Variants in MIIP observed in about 807,000 individuals in gnomAD.
MIIP encodes migration and invasion-inhibitory protein.
A neutral mutation model predicts 44.8 loss-of-function variants in MIIP; 44 were observed. The ratio of observed to expected loss-of-function variants is 0.98; its 90% CI spans 0.77 to 1.26. The LOEUF (loss-of-function observed/expected upper bound fraction) is 1.26, where lower values mean the gene tolerates loss of function less well. Among genes scored for constraint, MIIP ranks in the 50% most tolerant of loss-of-function variants. The pLI is 0.00. For missense variants in MIIP, 496 were observed against 511.7 expected (o/e 0.97, Z 0.30); for synonymous variants, 225 against 218.3 (o/e 1.03, Z -0.27).
rs747610330 is a variant in MIIP at position 12,029,262 on chromosome 1, C to T, written c.696C>T (p.Gly232=). ...LPGLRESSGS[G]VEEDHECVYC... The stretch of plus-strand genomic sequence containing the variant: ...GCCTGCGTGAGAGCAGTGGCAGCGG[C>T]GTGGAGGAAGACCATGAATGTGAGT... Residue 232 remains glycine, a synonymous_variant, in exon 6 of 10, where the codon GGC becomes GGT. Coordinates refer to ENST00000235332, the MANE Select transcript of MIIP (RefSeq NM_021933.4). The T allele has an allele frequency of 1.3e-5, 21 of 1,613,478 alleles. No homozygotes were observed. The highest frequency in any genetic ancestry group is 1.7e-4 in the Middle Eastern group (1 of 6,038).
intron 8 of MIIP, among the ~76,000 whole-genome samples, chr1:12,030,527 G>C (rs924614265): frequency 2.1e-5 from 3 of 146,180 alleles, no homozygotes; most frequent in African/African-American, 5.0e-5. Flanking sequence ...GCTGGGATTC[G>C]AACCTAGGTC....
At chr1:12,022,702 G>T in intron 3 of MIIP, 131 bp from the exon 4 acceptor site, 1 of 744,896 alleles carries the variant, frequency 1.3e-6, no homozygotes. Flanking sequence ...TTGCTCTTGT[G>T]CCCTTGGCTG....
chr1:12,020,593 C>T (rs1229116433), intron 1 of MIIP, among the ~76,000 whole-genome samples: 1 of 152,078 alleles, frequency 6.6e-6, no homozygotes, highest in African/African-American at 2.4e-5. Flanking sequence ...CTACAACCTC[C>T]GCCTCCCAGG....
chr1:12,021,103 AT>A (rs1251332732), intron 1 of MIIP, among the ~76,000 whole-genome samples: 3 of 151,334 alleles, frequency 2.0e-5, no homozygotes, highest in Admixed American at 6.6e-5. Context: ...AGCTAATTAA[AT>A]TTTTTTTTGG....
intron 9 of MIIP, 34 bp from the exon 10 acceptor site, chr1:12,031,688 T>C (rs753831122): frequency 1.2e-6 from 2 of 1,613,810 alleles, no homozygotes; most frequent in Non-Finnish European, 1.7e-6. Flanking sequence ...CCCTTTCAAG[T>C]GGCCCCCCTG....
chr1:12,028,992 G>A (rs370619823), intron 4 of MIIP, 41 bp from the exon 5 acceptor site: 1 of 1,539,128 alleles, frequency 6.5e-7, no homozygotes, highest in Non-Finnish European at 9.0e-7. Flanking sequence ...GCAGCCCCCA[G>A]CCCCTCTCCC....
At chr1:12,021,617 GC>G in intron 1 of MIIP, 27 bp from the exon 2 acceptor site, 1 of 906,328 alleles carries the variant, frequency 1.1e-6, no homozygotes, top group East Asian at 2.6e-5. Flanking sequence ...ACCCTACTGA[GC>G]CCCGTGTCCT....
intron 4 of MIIP, among the ~76,000 whole-genome samples, chr1:12,023,560 C>T (rs983495652): frequency 4.0e-5 from 6 of 151,626 alleles, no homozygotes; most frequent in Admixed American, 6.6e-5. Flanking sequence ...CCTGCCACCA[C>T]GCCTGGCTAA....
Position 12,030,093 on chromosome 1 carries a change from T to A in MIIP, c.911T>A (p.Phe304Tyr). 6.2e-7 allele frequency: 1 copy of A among 1,613,130 alleles called. No homozygotes were observed. Among genetic ancestry groups the A allele is most frequent in the Non-Finnish European group, 8.5e-7 (1 of 1,179,950 alleles). Reference sequence around the variant, plus strand: ...TACCACATCCACCGGCGAAAGAGCTTTGACGCCTCTGACACACTGGCCCTG... The same window carrying A: ...TACCACATCCACCGGCGAAAGAGCTATGACGCCTCTGACACACTGGCCCTG... ...HRYHIHRRKS[F>Y]DASDTLALPR... The change falls in exon 8 of 10, where the codon TTT becomes TAT. Residue 304 changes from phenylalanine (F) to tyrosine (Y), a missense_variant. Transcript: ENST00000235332.
intron 8 of MIIP, 135 bp downstream of exon 8, chr1:12,030,259 C>A: frequency 1.3e-6 from 1 of 786,282 alleles, no homozygotes; most frequent in Non-Finnish European, 2.1e-6. Flanking sequence ...ACAGCCTGGG[C>A]CTCTTCCATC....
intron 4 of MIIP, among the ~76,000 whole-genome samples, chr1:12,023,735 C>G (rs1290869247): frequency 6.6e-6 from 1 of 151,164 alleles, no homozygotes; most frequent in Non-Finnish European, 1.5e-5. Context: ...GTGACTCACA[C>G]CTGTAATCCC....
chr1:12,023,012 C>A, intron 4 of MIIP, 95 bp downstream of exon 4: 1 of 898,120 alleles, frequency 1.1e-6, no homozygotes, highest in Non-Finnish European at 1.7e-6. Context: ...CCACCCGGTG[C>A]TGTTGCTTGT....
At chr1:12,022,719 G>A (rs764256927) in intron 3 of MIIP, 114 bp from the exon 4 acceptor site, 4 of 847,002 alleles carry the variant, frequency 4.7e-6, no homozygotes, top group Non-Finnish European at 7.5e-6. Context: ...GCTGAGCCCT[G>A]GGCTGCAAGT....
Position 12,031,852 on chromosome 1 carries a change from C to T in MIIP, c.*44C>T. The T allele has an allele frequency of 6.4e-7, 1 of 1,573,636 alleles. No individual in the cohort carries two copies. Among genetic ancestry groups the T allele is most frequent in the Non-Finnish European group, 8.7e-7 (1 of 1,146,392 alleles). On this transcript the variant is annotated 3_prime_UTR_variant, in exon 10 of 10. Coordinates refer to ENST00000235332, the MANE Select transcript of MIIP (RefSeq NM_021933.4). ...GAACAGCATTCCCGCCGCCTCCAGC[C>T]TCTCCCCTCTGGCAGGCGCACCCAG... is the stretch of plus-strand genomic sequence containing the variant.
chr1:12,028,798 C>T (rs1472516111), intron 4 of MIIP: 3 of 552,456 alleles, frequency 5.4e-6, no homozygotes, highest in Non-Finnish European at 9.8e-6. Context: ...GTCATAAGGG[C>T]TCTGTCGATA....
intron 4 of MIIP, among the ~76,000 whole-genome samples, chr1:12,026,561 C>T (rs1272247354): frequency 6.6e-6 from 1 of 152,228 alleles, no homozygotes; most frequent in Admixed American, 6.5e-5. Context: ...TCTGGCTCCT[C>T]CAGGGTTTCC....
chr1:12,022,442 G>C lies in MIIP; in HGVS notation c.462G>C (p.Lys154Asn). 1 of 1,538,204 alleles carries C rather than the reference G, an allele frequency of 6.5e-7. No individual in the cohort carries two copies. The highest frequency in any genetic ancestry group is 2.3e-5 in the East Asian group (1 of 43,350). Residue 154 changes from lysine to asparagine, a missense_variant and splice_region_variant, in exon 3 of 10, where the codon AAG becomes AAC. Lys to Asn is a moderately conservative substitution (Grantham distance 94). Coordinates refer to ENST00000235332, the MANE Select transcript of MIIP (RefSeq NM_021933.4). ...TGGCTCAACAGAGCAAGCTGTCCAA[G>C]GTAACGTGGGAGAGCGGGACATCTG... ...SILAQQSKLS[K>N]PRVTFSEESA...
chr1:12,020,050 A>C (rs1055124457), intron 1 of MIIP, among the ~76,000 whole-genome samples: 83 of 152,126 alleles, frequency 5.5e-4, no homozygotes, highest in African/African-American at 1.8e-3. Context: ...GATCCTGAGG[A>C]TCCTTGGAGG....
At chr1:12,021,896 C>A in intron 2 of MIIP, 56 bp downstream of exon 2, 1 of 1,432,298 alleles carries the variant, frequency 7.0e-7, no homozygotes. Flanking sequence ...TTCAGGCCAG[C>A]ATCCAGGCTT....
Sources: gnomAD v4.1 joint callset for allele counts (sites outside exome capture counted in the v4.1 genomes callset) on GRCh38, gnomAD v4.1.1 for gene constraint, MANE v1.5 for transcripts, NCBI Gene and HGNC (gene_info 2026-07-23, HGNC 2026-07-21) for gene names.